The following ACAP2 variants were observed in gnomAD, a reference collection of about 807,000 sequenced individuals.
The protein encoded by ACAP2 is ArfGAP with coiled-coil, ankyrin repeat and PH domains 2.
ACAP2 carries 39 observed loss-of-function variants against 115.8 expected under a neutral mutation model. That is an observed-to-expected ratio of 0.34 (90% CI 0.26 to 0.44). ACAP2 has a LOEUF of 0.44. Ranked by LOEUF, ACAP2 falls within the 20% of genes least tolerant of loss-of-function variation. The pLI, the probability that ACAP2 is intolerant of heterozygous loss-of-function variation, is 1.00. For synonymous variants in ACAP2, 289 were observed against 315.8 expected, an observed-to-expected ratio of 0.92 and a Z score of 0.90; for missense variants, 662 against 927.6, an observed-to-expected ratio of 0.71 and a Z score of 3.72.
At chr3:195,356,041 C>G in intron 4 of ACAP2, 1 of 451,394 alleles carries the variant, frequency 2.2e-6, no homozygotes, top group South Asian at 1.6e-5. Flanking sequence ...TCATAAGAAC[C>G]AAAAATCATG....
chr3:195,294,738 G>A lies in ACAP2; in HGVS notation c.1746C>T (p.Ala582=), dbSNP rs375790393. 1 of 1,605,454 alleles carries A rather than the reference G, an allele frequency of 6.2e-7. No homozygotes were observed. The highest frequency in any genetic ancestry group is 8.5e-7 in the Non-Finnish European group (1 of 1,174,864). The change falls in exon 18 of 23, where the codon GCC becomes GCT. Residue 582 remains alanine (A), a synonymous_variant. Coordinates refer to ENST00000326793, the MANE Select transcript of ACAP2 (RefSeq NM_012287.6). Reference sequence around the variant, plus strand: ...ACTCACCAGGCTCATATAAACTATTGGCTGACACCGTGGAGGGTAAAGATT... The same window carrying A: ...ACTCACCAGGCTCATATAAACTATTAGCTGACACCGTGGAGGGTAAAGATT... ...GRESLPSTVS[A]NSLYEPEGER...
chr3:195,359,457 T>A (rs946222303), intron 4 of ACAP2, among the ~76,000 whole-genome samples: 1 of 152,052 alleles, frequency 6.6e-6, no homozygotes, highest in Non-Finnish European at 1.5e-5. Flanking sequence ...AGTGTTAAAG[T>A]ATTGAGTTTT....
chr3:195,382,264 A>G lies in ACAP2; in HGVS notation c.112-242T>C, dbSNP rs1255079059. Among the ~76,000 whole-genome samples, 3 of 152,332 alleles carry G rather than the reference A, an allele frequency of 2.0e-5. No individual in the cohort carries two copies. In the South Asian group the frequency reaches 6.2e-4, roughly 32 times the overall value. ...CCAGAGGCTGTGTGATAACAACAAC[A>G]AAAGTATTTTGGAGGAAAGGTAAGT... On this transcript the variant is annotated intron_variant, in intron 2 of 22. Transcript: ENST00000326793.
chr3:195,355,027 T>C (rs938908410), intron 4 of ACAP2, among the ~76,000 whole-genome samples: 2 of 151,998 alleles, frequency 1.3e-5, no homozygotes, highest in Non-Finnish European at 1.5e-5. Context: ...CCATGCTCAG[T>C]TGATTTTTGT....
chr3:195,285,575 AG>A (rs1320536522), intron 22 of ACAP2: 8 of 508,960 alleles, frequency 1.6e-5, no homozygotes, highest in Non-Finnish European at 2.8e-5. Flanking sequence ...GTACTGTCAT[AG>A]GAAGAGTTAC....
At chr3:195,410,080 T>A (rs144770757) in intron 1 of ACAP2, among the ~76,000 whole-genome samples, 1 of 152,062 alleles carries the variant, frequency 6.6e-6, no homozygotes, top group Non-Finnish European at 1.5e-5. Flanking sequence ...GACAGCCATA[T>A]AGACCTCCAG....
chr3:195,350,958 C>G (rs1731529166), intron 4 of ACAP2, among the ~76,000 whole-genome samples: 1 of 151,210 alleles, frequency 6.6e-6, no homozygotes, highest in South Asian at 2.1e-4. Context: ...TAACAGAACA[C>G]AAAAGAAAAC....
chr3:195,329,589 T>C (rs778027602), intron 8 of ACAP2, among the ~76,000 whole-genome samples: 5 of 152,180 alleles, frequency 3.3e-5, no homozygotes, highest in Non-Finnish European at 7.4e-5. Context: ...TTCTTTAAAA[T>C]ATTACCACCT....
At chr3:195,344,176 C>A (rs1402158636) in intron 5 of ACAP2, among the ~76,000 whole-genome samples, 2 of 152,138 alleles carry the variant, frequency 1.3e-5, no homozygotes, top group African/African-American at 4.8e-5. Flanking sequence ...TATTATCAAG[C>A]CACTGTACTC....
At chr3:195,405,224 G>C (rs934289168) in intron 1 of ACAP2, among the ~76,000 whole-genome samples, 16 of 152,098 alleles carry the variant, frequency 1.1e-4, no homozygotes, top group African/African-American at 3.9e-4. Flanking sequence ...ATAAAATTAG[G>C]ATTGATTGCA....
chr3:195,382,101 A>G (rs1304635035), intron 2 of ACAP2, 79 bp from the exon 3 acceptor site: 91 of 1,342,898 alleles, frequency 6.8e-5, no homozygotes, highest in Non-Finnish European at 9.3e-5. Context: ...GGCAGTAACT[A>G]TATGAGGTGA....
chr3:195,422,343 C>A (rs985235385), intron 1 of ACAP2, among the ~76,000 whole-genome samples: 1 of 152,008 alleles, frequency 6.6e-6, no homozygotes, highest in Non-Finnish European at 1.5e-5. Context: ...ACAAAAAATC[C>A]TTAATGTCTC....
intron 4 of ACAP2, among the ~76,000 whole-genome samples, chr3:195,367,994 G>T (rs1732847704): frequency 6.6e-6 from 1 of 152,194 alleles, no homozygotes; most frequent in Non-Finnish European, 1.5e-5. Flanking sequence ...CAAAGTTACT[G>T]ACAAGATGTT....
At chr3:195,371,514 ACTTC>A (rs1318425217) in intron 4 of ACAP2, among the ~76,000 whole-genome samples, 3 of 152,124 alleles carry the variant, frequency 2.0e-5, no homozygotes. Context: ...TGATGGTCTG[ACTTC>A]CTCTCTTCCT....
At chr3:195,434,399 AT>A (rs901199718) in intron 1 of ACAP2, among the ~76,000 whole-genome samples, 1 of 151,290 alleles carries the variant, frequency 6.6e-6, no homozygotes, top group Admixed American at 6.6e-5. Flanking sequence ...CACTTAGCTA[AT>A]TTTTTTTGTT....
chr3:195,297,290 C>CA lies in ACAP2; in HGVS notation c.1396-10dup, dbSNP rs3836379. ...CCCAACTCACACATAAGCTGTTTGG[C>CA]AAAAAAAAATAGAAAAATAAGCTAT... On this transcript the variant is annotated splice_polypyrimidine_tract_variant and intron_variant, in intron 15 of 22. Transcript: ENST00000326793. The CA allele has an allele frequency of 3.4e-3, 5,292 of 1,545,094 alleles. 72 individuals carry two copies. The African/African-American group carries it at 0.048, about 14-fold the overall frequency.
intron 9 of ACAP2, chr3:195,325,476 C>A: frequency 2.5e-6 from 1 of 403,818 alleles, no homozygotes; most frequent in Non-Finnish European, 4.7e-6. Context: ...CATTTAGGGG[C>A]AGAAAAGAGG....
At chr3:195,340,249 A>G (rs1258014512) in intron 6 of ACAP2, among the ~76,000 whole-genome samples, 2 of 150,974 alleles carry the variant, frequency 1.3e-5, no homozygotes, top group Admixed American at 6.7e-5. Flanking sequence ...ACTGGCTTAC[A>G]ATGAGGAGAA....
chr3:195,292,052 A>G (rs1009551873), intron 19 of ACAP2, among the ~76,000 whole-genome samples: 2 of 152,214 alleles, frequency 1.3e-5, no homozygotes, highest in Non-Finnish European at 2.9e-5. Context: ...AACACATTAT[A>G]TACTTTCATT....
Sources: allele counts gnomAD v4.1 joint callset (sites outside exome capture counted in the v4.1 genomes callset), GRCh38; gene constraint gnomAD v4.1.1; transcripts MANE v1.5; gene names NCBI Gene and HGNC (gene_info 2026-07-23, HGNC 2026-07-21).